Variants in GGCT observed in about 807,000 individuals in gnomAD.
The protein encoded by GGCT is cytochrome c-releasing factor 21.
In GGCT, 20 loss-of-function variants were observed where a neutral mutation model predicts 22.1. That is an observed-to-expected ratio of 0.91 (90% CI 0.64 to 1.32). The LOEUF is 1.32. GGCT is among the 40% of genes most tolerant of loss of function. GGCT has a pLI of 0.00. For synonymous variants in GGCT, 72 were observed against 78.4 expected (o/e 0.92, Z 0.43); for missense variants, 209 against 223.5 (o/e 0.94, Z 0.41).
In GGCT at chr7:30,504,643, C is replaced by T. The variant is rs772536856; in HGVS notation, c.67G>A (p.Gly23Ser). 3.1e-6 allele frequency: 5 copies of T among 1,614,006 alleles called. No homozygotes were observed. Among genetic ancestry groups the T allele is most frequent in the Non-Finnish European group, 3.4e-6 (4 of 1,179,970 alleles). Reference protein sequence around the residue: ...DEESFLYFAYGSNLLTERIHL... With the variant: ...DEESFLYFAYSSNLLTERIHL... ...ATCCTCTCTGTCAGCAGGTTGCTGC[C>T]GTAGGCAAAGTACAGAAAACTCTCC... is the stretch of plus-strand genomic sequence containing the variant. Residue 23 changes from glycine (G) to serine (S), a missense_variant, in exon 1 of 4, where the codon GGC (glycine) becomes AGC (serine). Physicochemically the swap from Gly to Ser is moderately conservative, Grantham distance 56. Transcript: ENST00000275428.
At chr7:30,497,510 C>A (rs1199647439) in intron 3 of GGCT, 10 of 372,640 alleles carry the variant, frequency 2.7e-5, no homozygotes, top group Non-Finnish European at 3.7e-5. Flanking sequence ...ACAAACATAT[C>A]TATATAAAAT....
chr7:30,501,730 T>C (rs911992868), intron 1 of GGCT, among the ~76,000 whole-genome samples: 21 of 152,252 alleles, frequency 1.4e-4, no homozygotes, highest in Admixed American at 1.2e-3. Context: ...AGTTTCCTTA[T>C]AGATAAATTT....
Position 30,496,876 on chromosome 7 carries a change from C to T in GGCT, c.*216G>A, listed in dbSNP as rs1026944424. ...AAGGGGTACTCACATTCATTTGTCA[C>T]ATATTTCAGGCCCTCATACACCCCT... On this transcript the variant is annotated 3_prime_UTR_variant, in exon 4 of 4. Coordinates refer to ENST00000275428, the MANE Select transcript of GGCT (RefSeq NM_024051.4). The T allele has an allele frequency of 1.7e-5, 6 of 347,284 alleles. No homozygotes were observed. The highest frequency in any genetic ancestry group is 2.6e-5 in the Non-Finnish European group (5 of 193,378). The allele number at this position is 347,284 out of a possible 1,614,324, so 21.5% of individuals were successfully genotyped here. A position where few individuals can be genotyped will look rare whatever the true frequency, so the allele number is the denominator to read the frequency against.
chr7:30,503,674 C>T (rs1242020298), intron 1 of GGCT, among the ~76,000 whole-genome samples: 1 of 151,840 alleles, frequency 6.6e-6, no homozygotes, highest in African/African-American at 2.4e-5. Flanking sequence ...GTGATGCCCA[C>T]TGTATTACAG....
At chr7:30,499,049 A>G (rs1789632025) in intron 2 of GGCT, 111 bp from the exon 3 acceptor site, 3 of 890,904 alleles carry the variant, frequency 3.4e-6, no homozygotes, top group African/African-American at 3.3e-5. Flanking sequence ...ACATTTAACT[A>G]CATCTGAACA....
intron 1 of GGCT, among the ~76,000 whole-genome samples, chr7:30,501,278 G>A (rs1789696074): frequency 6.6e-6 from 1 of 152,192 alleles, no homozygotes; most frequent in African/African-American, 2.4e-5. Context: ...CAGGGGACGA[G>A]CATGCCCAAA....
Position 30,500,581 on chromosome 7 carries a change from C to A in GGCT, c.242G>T (p.Gly81Val). Residue 81 changes from glycine (G) to valine (V), a missense_variant, in exon 2 of 4, where the codon GGA (glycine) becomes GTA (valine). Gly to Val is a moderately radical substitution (Grantham distance 109). Transcript: ENST00000275428. ...IFQSPGDEVW[G>V]VVWKMNKSNL... ...GCTTTTGTTCATTTTCCATACTACT[C>A]CCCACACTTCATCGCCAGGACTCTG... The A allele has an allele frequency of 6.2e-7, 1 of 1,613,712 alleles. No individual in the cohort carries two copies. The highest frequency in any genetic ancestry group is 8.5e-7 in the Non-Finnish European group (1 of 1,179,598).
intron 1 of GGCT, among the ~76,000 whole-genome samples, chr7:30,501,026 C>T (rs527967774): frequency 5.5e-4 from 84 of 152,254 alleles, no homozygotes; most frequent in Middle Eastern, 3.4e-3. Flanking sequence ...CTTACATACA[C>T]ATAAATTTTT....
At position 30,497,005 on chromosome 7, in the gene GGCT, G is replaced by A. The variant is rs902941949; in HGVS notation, c.*87C>T. The A allele has an allele frequency of 2.0e-5, 17 of 835,608 alleles. No homozygotes were observed. Among genetic ancestry groups the A allele is most frequent in the African/African-American group, 7.0e-5 (4 of 56,982 alleles). 51.8% of individuals were successfully genotyped at this position (835,608 alleles called of 1,614,324 possible). A position where few individuals can be genotyped will look rare whatever the true frequency, so the allele number is the denominator to read the frequency against. On this transcript the variant is annotated 3_prime_UTR_variant, in exon 4 of 4. Transcript: ENST00000275428. ...GAGCACTGCTGAAAATGGATCAAAC[G>A]TGGAGATCCCCCAGATCCCTGTTCT...
rs937700528 is a variant in GGCT at position 30,500,527 on chromosome 7, G to T, written c.287+9C>A. On this transcript the variant is annotated intron_variant, in intron 2 of 3. Transcript: ENST00000275428. ...ATTACTGTTTAACTTATAATTAGAAGCCACCTACTCATCCAGAGAATTTAA... is the reference window on the plus strand; with the variant it reads ...ATTACTGTTTAACTTATAATTAGAATCCACCTACTCATCCAGAGAATTTAA... The T allele has an allele frequency of 8.7e-6, 14 of 1,604,604 alleles. No individual in the cohort carries two copies. Among genetic ancestry groups the T allele is most frequent in the Non-Finnish European group, 1.2e-5 (14 of 1,172,084 alleles).
At chr7:30,501,908 C>G (rs1387278466) in intron 1 of GGCT, among the ~76,000 whole-genome samples, 2 of 152,242 alleles carry the variant, frequency 1.3e-5, no homozygotes, top group East Asian at 3.8e-4. Context: ...CCACATGTCC[C>G]TGGCAGGACA....
At chr7:30,497,788 G>A (rs2128123336) in intron 3 of GGCT, 2 of 1,466,242 alleles carry the variant, frequency 1.4e-6, no homozygotes, top group Non-Finnish European at 1.8e-6. Flanking sequence ...AGAGAGCTAA[G>A]CTTAGGTTCT....
At chr7:30,497,872 G>A in intron 3 of GGCT, 1 of 1,448,470 alleles carries the variant, frequency 6.9e-7, no homozygotes, top group African/African-American at 1.4e-5. Flanking sequence ...GATTCTGAAA[G>A]GCAGTGTGAC....
chr7:30,500,450 A>G (rs1789672946), intron 2 of GGCT, 86 bp downstream of exon 2: 1 of 1,107,728 alleles, frequency 9.0e-7, no homozygotes. Flanking sequence ...TGTGGTTTTG[A>G]AAAACTAACA....
At chr7:30,500,803 C>A in intron 1 of GGCT, 122 bp from the exon 2 acceptor site, 1 of 674,364 alleles carries the variant, frequency 1.5e-6, no homozygotes, top group Non-Finnish European at 2.5e-6. Context: ...TGAGTTCCTT[C>A]TATGCATAAG....
chr7:30,497,850 G>C (rs1438769063), intron 3 of GGCT: 6 of 1,447,806 alleles, frequency 4.1e-6, no homozygotes, highest in Non-Finnish European at 5.5e-6. Flanking sequence ...TGCTTGCAAG[G>C]GTGATTTCCC....
chr7:30,498,977 T>G, intron 2 of GGCT, 39 bp from the exon 3 acceptor site: 1 of 1,600,544 alleles, frequency 6.2e-7, no homozygotes, highest in Non-Finnish European at 8.6e-7. Context: ...ACATTTGACC[T>G]AGCCAATTTA....
At position 30,497,739 on chromosome 7, in the gene GGCT, A is replaced by G. The variant is rs200273357; in HGVS notation, c.424-504T>C. The G allele has an allele frequency of 4.0e-5, 56 of 1,395,370 alleles. 1 individual carries two copies. In the Middle Eastern group the frequency reaches 7.4e-4, roughly 18 times the overall value. 86.4% of individuals were successfully genotyped at this position (1,395,370 alleles called of 1,614,324 possible). ...CCAAACGAGGCCTAGGAACCAGATT[A>G]CCTATTACAGGTGCCATGACCTGAT... On this transcript the variant is annotated intron_variant, in intron 3 of 3. Transcript: ENST00000275428.
rs1174707328 is a variant in GGCT, at chr7:30,497,233, A to T, written c.426T>A (p.Ile142=). The change falls in exon 4 of 4, where the codon ATT becomes ATA. Residue 142 remains isoleucine, a splice_region_variant and synonymous_variant. Coordinates refer to ENST00000275428, the MANE Select transcript of GGCT (RefSeq NM_024051.4). ...CATTTTCTTTTGCACCCATGCAAAT[A>T]ATCTGGAAATGGTTAAAACAAACAG... ...SAPPSPQYKK[I]ICMGAKENGL... 38 of 1,599,328 alleles carry T rather than the reference A, an allele frequency of 2.4e-5. No homozygotes were observed. Among genetic ancestry groups the T allele is most frequent in the Non-Finnish European group, 3.1e-5 (36 of 1,175,392 alleles).
Sources: allele counts gnomAD v4.1 joint callset (sites outside exome capture counted in the v4.1 genomes callset), GRCh38; gene constraint gnomAD v4.1.1; transcripts MANE v1.5; gene names NCBI Gene and HGNC (gene_info 2026-07-23, HGNC 2026-07-21).